SPIRE1: variants seen among roughly 807,000 people sequenced by gnomAD.
The protein encoded by SPIRE1 is protein spire homolog 1.
Under a neutral mutation model 94.1 loss-of-function variants are expected in SPIRE1, and 40 were observed. The ratio of observed to expected loss-of-function variants is 0.43; its 90% confidence interval spans 0.33 to 0.55. SPIRE1 has a LOEUF of 0.55. SPIRE1 is among the 20% of genes least tolerant of loss of function. The probability of loss-of-function intolerance (pLI) is 0.06; values close to 1 mark genes in which losing one functional copy is unlikely to be tolerated. For missense variants in SPIRE1, 838 were observed against 975.2 expected, an observed-to-expected ratio of 0.86 and a Z score of 1.87; for synonymous variants, 376 against 371.7, an observed-to-expected ratio of 1.01 and a Z score of -0.13.
rs550180087 is a variant in SPIRE1, at chr18:12,463,254, G to C, written c.1638+97C>G. ...TTATTCAAAATTCATTCTAACTTTT[G>C]CAAGTTTTTTTCTCCTTATCATCTT... On this transcript the variant is annotated intron_variant, in intron 12 of 16. Coordinates refer to ENST00000409402, the MANE Select transcript of SPIRE1 (RefSeq NM_001128626.2). 4.4e-5 allele frequency: 55 copies of C among 1,259,244 alleles called. No individual in the cohort carries two copies. The South Asian group carries it at 9.8e-4, about 22-fold the overall frequency. The allele number at this position is 1,259,244 out of a possible 1,614,324, so 78.0% of individuals were successfully genotyped here.
chr18:12,639,926 G>T (rs2038039113), intron 1 of SPIRE1, among the ~76,000 whole-genome samples: 1 of 150,998 alleles, frequency 6.6e-6, no homozygotes, highest in Non-Finnish European at 1.5e-5. Flanking sequence ...AAACAGAAAA[G>T]CCTATGCCTT....
intron 2 of SPIRE1, among the ~76,000 whole-genome samples, chr18:12,575,675 T>C (rs1180661447): frequency 1.3e-5 from 2 of 152,222 alleles, no homozygotes; most frequent in African/African-American, 4.8e-5. Context: ...TAAATAAGCA[T>C]ATGTATTTGC....
At chr18:12,658,698 G>A (rs1598597251), upstream of SPIRE1, 19 of 435,908 alleles carry the variant, frequency 4.4e-5, no homozygotes, top group South Asian at 2.7e-4. Context: ...GCAGTTTCCC[G>A]TGACCCCGCG....
chr18:12,452,752 T>C, intron 14 of SPIRE1: 1 of 608,236 alleles, frequency 1.6e-6, no homozygotes. Flanking sequence ...TTCTTATTTG[T>C]CTATCCAGGG....
rs1311464335 is a variant in SPIRE1, at chr18:12,454,445, A to G, written c.1677T>C (p.Thr559=). ...GGCGAATATGCATCACTTCTTCCAC[A>G]GTAAGAGCGAGGCATTCCACTGGGT... The part of the protein sequence containing the change: ...FCYPVECLAL[T]VEEVMHIRQV... The change falls in exon 13 of 17, where the codon ACT becomes ACC. Residue 559 remains threonine, a synonymous_variant. Transcript: ENST00000409402. 1.1e-5 allele frequency: 18 copies of G among 1,614,116 alleles called. No individual in the cohort carries two copies. Among genetic ancestry groups the G allele is most frequent in the Non-Finnish European group, 1.4e-5 (17 of 1,179,964 alleles).
intron 2 of SPIRE1, among the ~76,000 whole-genome samples, chr18:12,556,749 T>G (rs1305615363): frequency 6.6e-6 from 1 of 152,138 alleles, no homozygotes; most frequent in African/African-American, 2.4e-5. Context: ...CTGCAGACCT[T>G]GGCGGTGAGT....
chr18:12,569,515 CAGAAAAATGACTGAAACATAAGAGT>C (rs2035909164), intron 2 of SPIRE1, among the ~76,000 whole-genome samples: 2 of 151,628 alleles, frequency 1.3e-5, no homozygotes, highest in African/African-American at 2.4e-5. Context: ...GGGGGGCTAC[CAGAAAAATGACTGAAACATAAGAGT>C]ACCTGGACAG....
At chr18:12,607,632 C>CAT in intron 2 of SPIRE1, among the ~76,000 whole-genome samples, 1 of 150,028 alleles carries the variant, frequency 6.7e-6, no homozygotes, top group African/African-American at 2.4e-5. Context: ...CACACACACA[C>CAT]ACACACACAG....
intron 2 of SPIRE1, among the ~76,000 whole-genome samples, chr18:12,591,639 G>A (rs904505735): frequency 1.8e-4 from 27 of 152,260 alleles, no homozygotes; most frequent in African/African-American, 5.3e-4. Context: ...TAGGTATTAA[G>A]AATCAAAGGC....
At chr18:12,634,263 A>AT (rs200318228) in intron 2 of SPIRE1, among the ~76,000 whole-genome samples, 25,228 of 76,652 alleles carry the variant, frequency 0.33, 2,239 homozygotes, top group East Asian at 0.54. Flanking sequence ...AAAAATAAAA[A>AT]AAAAAAAAAA....
rs181913532 is a variant in SPIRE1 at position 12,565,639 on chromosome 18, C to A, written c.373-18735G>T. Among the ~76,000 whole-genome samples, 415 of 152,002 alleles carry A rather than the reference C, an allele frequency of 2.7e-3. 7 individuals carry two copies. The highest frequency in any genetic ancestry group is 0.024 in the Admixed American group (365 of 15,266). On this transcript the variant is annotated intron_variant, in intron 2 of 16. Coordinates refer to ENST00000409402, the MANE Select transcript of SPIRE1 (RefSeq NM_001128626.2). ...TCTTCCCGCCTCAGCCTCCCAAAGTCCTGGGATTACAGGTGTGAGCCACTG... is the reference window on the plus strand; with the variant it reads ...TCTTCCCGCCTCAGCCTCCCAAAGTACTGGGATTACAGGTGTGAGCCACTG...
At position 12,489,044 on chromosome 18, in the gene SPIRE1, C is replaced by T. The variant is rs532888324; in HGVS notation, c.1190-3044G>A. Among the ~76,000 whole-genome samples the T allele has an allele frequency of 1.2e-4, 18 of 152,148 alleles. No homozygotes were observed. In the South Asian group the frequency reaches 1.9e-3, roughly 16 times the overall value. ...ACTAAAAAAAATACAAAAAATTAGC[C>T]GGGCTTGGTGGCGGGCTCCTGTAGT... On this transcript the variant is annotated intron_variant, in intron 8 of 16. Coordinates refer to ENST00000409402, the MANE Select transcript of SPIRE1 (RefSeq NM_001128626.2).
chr18:12,494,838 C>CA (rs71172091), intron 7 of SPIRE1, among the ~76,000 whole-genome samples: 16,891 of 31,934 alleles, frequency 0.53, 5,356 homozygotes, highest in East Asian at 0.75. Context: ...GACTCCATCT[C>CA]AAAAAAAAAA....
intron 1 of SPIRE1, among the ~76,000 whole-genome samples, chr18:12,635,756 GACAAAAACATACTTCTTAA>G (rs1161175959): frequency 6.6e-6 from 1 of 152,072 alleles, no homozygotes; most frequent in African/African-American, 2.4e-5. Flanking sequence ...CAATGTCGCT[GACAAAAACATACTTCTTAA>G]ACAAAAACAG....
chr18:12,605,157 C>T (rs1418557648), intron 2 of SPIRE1, among the ~76,000 whole-genome samples: 1 of 152,136 alleles, frequency 6.6e-6, no homozygotes, highest in Non-Finnish European at 1.5e-5. Context: ...ATATGTTTCA[C>T]AACAATATAT....
chr18:12,579,529 A>T (rs1036157209), intron 2 of SPIRE1, among the ~76,000 whole-genome samples: 7 of 152,216 alleles, frequency 4.6e-5, no homozygotes, highest in African/African-American at 1.7e-4. Flanking sequence ...CAGAGTTTCA[A>T]TTTGGAATGA....
intron 2 of SPIRE1, among the ~76,000 whole-genome samples, chr18:12,560,170 A>G (rs1348804193): frequency 6.6e-6 from 1 of 152,242 alleles, no homozygotes; most frequent in Non-Finnish European, 1.5e-5. Flanking sequence ...TATCAGGAAC[A>G]GTTTGGAGGT....
chr18:12,640,189 A>G (rs2038048148), intron 1 of SPIRE1, among the ~76,000 whole-genome samples: 1 of 152,228 alleles, frequency 6.6e-6, no homozygotes, highest in South Asian at 2.1e-4. Flanking sequence ...CACATTATCA[A>G]TATGATTCAA....
At chr18:12,615,343 A>T (rs11080588) in intron 2 of SPIRE1, among the ~76,000 whole-genome samples, 10 of 35,400 alleles carry the variant, frequency 2.8e-4, no homozygotes, top group Non-Finnish European at 7.5e-4. Flanking sequence ...AAAAAAAAAA[A>T]AAATATATAT....
Sources: allele counts gnomAD v4.1 joint callset (sites outside exome capture counted in the v4.1 genomes callset), GRCh38; gene constraint gnomAD v4.1.1; transcripts MANE v1.5; gene names NCBI Gene and HGNC (gene_info 2026-07-23, HGNC 2026-07-21).